The following ANKS3 variants were observed in gnomAD, a reference collection of about 807,000 sequenced individuals.
The protein encoded by ANKS3 is ankyrin repeat and SAM domain-containing protein 3.
ANKS3 carries 62 observed loss-of-function variants against 80.7 expected under a neutral mutation model. The ratio of observed to expected loss-of-function variants is 0.77; its 90% CI spans 0.63 to 0.95. The LOEUF (loss-of-function observed/expected upper bound fraction) is 0.95, where lower values mean the gene tolerates loss of function less well. ANKS3 is among the 40% of genes least tolerant of loss of function. ANKS3 has a pLI of 0.00. For synonymous variants in ANKS3, 489 were observed against 355.3 expected (o/e 1.38, Z -4.23); for missense variants, 1,150 against 883.6 (o/e 1.30, Z -3.82).
intron 11 of ANKS3, 30 bp from the exon 12 acceptor site, chr16:4,699,206 GGTA>G: frequency 1.2e-6 from 2 of 1,611,800 alleles, no homozygotes; most frequent in Non-Finnish European, 1.7e-6. Context: ...GGTTGGGGGA[GGTA>G]GTGGCTGACG....
intron 6 of ANKS3, among the ~76,000 whole-genome samples, chr16:4,720,393 C>G (rs1409420224): frequency 6.7e-6 from 1 of 149,706 alleles, no homozygotes; most frequent in Non-Finnish European, 1.5e-5. Flanking sequence ...ACCTGGGAGG[C>G]AGAGGTTGCA....
chr16:4,719,032 G>A (rs1165908325), intron 6 of ANKS3, among the ~76,000 whole-genome samples: 3 of 152,168 alleles, frequency 2.0e-5, no homozygotes, highest in Non-Finnish European at 4.4e-5. Context: ...TGGGGAATGT[G>A]GTAAAGGCAT....
chr16:4,711,658 C>T (rs912795135), intron 7 of ANKS3, among the ~76,000 whole-genome samples: 1 of 141,484 alleles, frequency 7.1e-6, no homozygotes, highest in Non-Finnish European at 1.5e-5. Context: ...GCAGAGGTTG[C>T]GGTGAGTCAA....
intron 3 of ANKS3, among the ~76,000 whole-genome samples, chr16:4,729,119 A>G (rs931773525): frequency 1.3e-5 from 2 of 152,218 alleles, no homozygotes; most frequent in Non-Finnish European, 2.9e-5. Flanking sequence ...TCCAAAAACA[A>G]GATGATCACA....
At chr16:4,698,261 G>A (rs892125125) in intron 14 of ANKS3, 166 bp downstream of exon 14, 16 of 1,173,596 alleles carry the variant, frequency 1.4e-5, no homozygotes, top group Non-Finnish European at 1.9e-5. Context: ...CTCCTGCCTG[G>A]GTCTGCCTGC....
intron 8 of ANKS3, among the ~76,000 whole-genome samples, chr16:4,703,765 T>C (rs2080042810): frequency 6.6e-6 from 1 of 152,150 alleles, no homozygotes; most frequent in African/African-American, 2.4e-5. Flanking sequence ...AAAATTTAAA[T>C]TTCACAAGGT....
intron 7 of ANKS3, among the ~76,000 whole-genome samples, chr16:4,706,175 C>T (rs1007291659): frequency 9.9e-5 from 15 of 152,064 alleles, no homozygotes; most frequent in South Asian, 2.1e-4. Context: ...ATTATAGGCA[C>T]GTTACCACTG....
At position 4,731,550 on chromosome 16, in the gene ANKS3, G is replaced by A. The variant is rs2081619474; in HGVS notation, c.-41C>T. 6 of 840,472 alleles carry A rather than the reference G, an allele frequency of 7.1e-6. No individual in the cohort carries two copies. The highest frequency in any genetic ancestry group is 7.2e-6 in the Non-Finnish European group (5 of 697,878). 52.1% of individuals were successfully genotyped at this position (840,472 alleles called of 1,614,324 possible). ...CCCGCCTCAGCCTCTCAAAGTCCTG[G>A]AAATATAGGCGTGAGCCACTGCACC... is the stretch of plus-strand genomic sequence containing the variant. On this transcript the variant is annotated 5_prime_UTR_variant, in exon 2 of 18. Coordinates refer to ENST00000304283, the MANE Select transcript of ANKS3 (RefSeq NM_133450.4).
rs373382121 is a variant in ANKS3 at position 4,697,761 on chromosome 16, C to T, written c.1810+216G>A. Reference sequence around the variant, plus strand: ...GGGCCTTTCTCGAGTACCTCCTACCCCTGGGGGATAGGCAGTTTTCCTGTC... The same window carrying T: ...GGGCCTTTCTCGAGTACCTCCTACCTCTGGGGGATAGGCAGTTTTCCTGTC... On this transcript the variant is annotated intron_variant, in intron 15 of 17. Transcript: ENST00000304283. Among the ~76,000 whole-genome samples the T allele has an allele frequency of 9.8e-5, 15 of 152,318 alleles. No individual in the cohort carries two copies. The South Asian group carries it at 3.1e-3, about 32-fold the overall frequency.
intron 3 of ANKS3, chr16:4,727,656 C>G: frequency 5.4e-6 from 1 of 185,770 alleles, no homozygotes; most frequent in South Asian, 1.1e-4. Flanking sequence ...GGCCTGGCAT[C>G]TACTAGCCCA....
In ANKS3 at chr16:4,703,424, T is replaced by G. The variant is rs1002924019; in HGVS notation, c.869-1182A>C. The stretch of plus-strand genomic sequence containing the variant: ...GCCACTGCACCTGGCCCCCCCAATT[T>G]TTTTTTTTTTTTTTTGAGACGGAGT... On this transcript the variant is annotated intron_variant, in intron 8 of 17. Transcript: ENST00000304283. Among the ~76,000 whole-genome samples the G allele has an allele frequency of 2.3e-3, 335 of 148,804 alleles. 3 individuals are homozygous for G. The highest frequency in any genetic ancestry group is 7.7e-3 in the African/African-American group (317 of 40,928).
chr16:4,730,279 G>T, intron 2 of ANKS3, 128 bp from the exon 3 acceptor site: 1 of 862,708 alleles, frequency 1.2e-6, no homozygotes, highest in Non-Finnish European at 1.6e-6. Context: ...AACCCCGGGA[G>T]TAACTCAGAC....
intron 11 of ANKS3, chr16:4,700,496 G>A (rs1329195924): frequency 1.4e-4 from 44 of 304,812 alleles, no homozygotes; most frequent in Non-Finnish European, 8.4e-5. Flanking sequence ...CAGGGTAGGA[G>A]AACTCAGCAG....
chr16:4,709,995 A>G (rs1440918232), intron 7 of ANKS3, among the ~76,000 whole-genome samples: 1 of 152,180 alleles, frequency 6.6e-6, no homozygotes. Context: ...TGGGTGACAA[A>G]GCGAGAACCT....
intron 11 of ANKS3, chr16:4,700,512 G>A (rs780706135): frequency 3.1e-6 from 1 of 321,392 alleles, no homozygotes; most frequent in Non-Finnish European, 6.1e-6. Flanking sequence ...AGCAGACACA[G>A]GTGAGACAGC....
chr16:4,718,212 G>C (rs2080905391), intron 6 of ANKS3, among the ~76,000 whole-genome samples: 1 of 151,890 alleles, frequency 6.6e-6, no homozygotes, highest in Non-Finnish European at 1.5e-5. Context: ...GAGCCACTAT[G>C]CCTGATGTGA....
intron 7 of ANKS3, among the ~76,000 whole-genome samples, chr16:4,708,049 A>C (rs2080290373): frequency 6.6e-6 from 1 of 152,138 alleles, no homozygotes; most frequent in South Asian, 2.1e-4. Context: ...TGGGAGGCAG[A>C]GGTTGCAGTG....
chr16:4,716,862 C>T (rs1413285339), intron 6 of ANKS3, among the ~76,000 whole-genome samples: 1 of 152,060 alleles, frequency 6.6e-6, no homozygotes, highest in Non-Finnish European at 1.5e-5. Flanking sequence ...TTGCAGTGAG[C>T]TGAGATCGCG....
chr16:4,708,254 G>A (rs114719855), intron 7 of ANKS3, among the ~76,000 whole-genome samples: 1,789 of 152,074 alleles, frequency 0.012, 42 homozygotes, highest in African/African-American at 0.041. Context: ...TTAATTGCAA[G>A]ATCAAAAAGG....
Sources: allele counts gnomAD v4.1 joint callset (sites outside exome capture counted in the v4.1 genomes callset), GRCh38; gene constraint gnomAD v4.1.1; transcripts MANE v1.5; gene names NCBI Gene and HGNC (gene_info 2026-07-23, HGNC 2026-07-21).